The following ENTREP2 variants were observed in gnomAD, a reference collection of about 807,000 sequenced individuals.
ENTREP2 encodes endosomal transmembrane epsin interactor 2, also known as protein ENTREP2.
chr15:29,399,687 G>A, the ENTREP2 span, among the ~76,000 whole-genome samples: 2 of 152,206 alleles, frequency 1.3e-5, no homozygotes, highest in African/African-American at 4.8e-5. Flanking sequence ...ACTGGTAATA[G>A]TCTGCTGTTG....
the ENTREP2 span, among the ~76,000 whole-genome samples, chr15:29,244,032 G>C: frequency 6.6e-6 from 1 of 152,214 alleles, no homozygotes; most frequent in African/African-American, 2.4e-5. Flanking sequence ...GAATGTTGAT[G>C]CAAAACTCTT....
At chr15:29,265,169 C>T in the ENTREP2 span, 1 of 152,088 alleles carries the variant, frequency 6.6e-6, no homozygotes, top group Non-Finnish European at 1.5e-5. Context: ...GCAAACATCA[C>T]ACTCTATGGC....
chr15:29,672,312 G>A, the ENTREP2 span, among the ~76,000 whole-genome samples: 1 of 152,120 alleles, frequency 6.6e-6, no homozygotes, highest in Non-Finnish European at 1.5e-5. Flanking sequence ...TTATCCAAGG[G>A]CCTATGGATC....
chr15:29,594,153 G>A, the ENTREP2 span, among the ~76,000 whole-genome samples: 1 of 152,114 alleles, frequency 6.6e-6, no homozygotes, highest in Non-Finnish European at 1.5e-5. Flanking sequence ...TAGGTGGTGA[G>A]GATGCAGCTA....
chr15:29,530,648 G>A, the ENTREP2 span, among the ~76,000 whole-genome samples: 1 of 152,196 alleles, frequency 6.6e-6, no homozygotes, highest in Non-Finnish European at 1.5e-5. Context: ...CTGTGGTGAT[G>A]GGTGGAGGTG....
At chr15:29,458,497 C>A in the ENTREP2 span, among the ~76,000 whole-genome samples, 1 of 152,102 alleles carries the variant, frequency 6.6e-6, no homozygotes, top group South Asian at 2.1e-4. Flanking sequence ...CCCACCAAGC[C>A]CCCTACCCAA....
chr15:29,418,012 T>C, the ENTREP2 span, among the ~76,000 whole-genome samples: 1 of 152,212 alleles, frequency 6.6e-6, no homozygotes, highest in African/African-American at 2.4e-5. Context: ...AGAAGCCATT[T>C]AGAACATTTT....
At chr15:29,523,561 ATTT>A in the ENTREP2 span, among the ~76,000 whole-genome samples, 667 of 78,396 alleles carry the variant, frequency 8.5e-3, no homozygotes, top group African/African-American at 0.033. Context: ...TCCCAGCTAG[ATTT>A]TTTTTTTTTT....
the ENTREP2 span, among the ~76,000 whole-genome samples, chr15:29,512,854 G>A: frequency 6.6e-6 from 1 of 152,182 alleles, no homozygotes; most frequent in Non-Finnish European, 1.5e-5. Flanking sequence ...AACTGGTGAT[G>A]CACAAATCCA....
the ENTREP2 span, among the ~76,000 whole-genome samples, chr15:29,565,758 T>C: frequency 3.9e-5 from 6 of 152,100 alleles, no homozygotes; most frequent in South Asian, 2.1e-4. Context: ...GGTCAGGAGA[T>C]AGAGACCATC....
the ENTREP2 span, among the ~76,000 whole-genome samples, chr15:29,469,061 C>A: frequency 6.6e-6 from 1 of 152,156 alleles, no homozygotes. Context: ...GGTTCCACCC[C>A]ATCCCGATAG....
chr15:29,426,591 T>C, the ENTREP2 span, among the ~76,000 whole-genome samples: 2 of 152,180 alleles, frequency 1.3e-5, no homozygotes, highest in Non-Finnish European at 2.9e-5. Context: ...CCAGGTGATA[T>C]CCTAATTCAC....
the ENTREP2 span, among the ~76,000 whole-genome samples, chr15:29,429,739 G>A: frequency 5.3e-5 from 8 of 152,308 alleles, no homozygotes; most frequent in South Asian, 1.5e-3. Flanking sequence ...TACGGACCCC[G>A]TAGTTCTCAA....
At chr15:29,563,758 AC>A in the ENTREP2 span, among the ~76,000 whole-genome samples, 1 of 151,736 alleles carries the variant, frequency 6.6e-6, no homozygotes, top group Non-Finnish European at 1.5e-5. Context: ...AATCGCTTGA[AC>A]CCGGGAGGCT....
the ENTREP2 span, among the ~76,000 whole-genome samples, chr15:29,365,738 A>G: frequency 3.4e-5 from 5 of 145,202 alleles, no homozygotes; most frequent in African/African-American, 1.3e-4. Flanking sequence ...AAGTCTGCAG[A>G]AAAAAAAAAC....
At chr15:29,499,386 CTTGT>C in the ENTREP2 span, among the ~76,000 whole-genome samples, 6 of 152,046 alleles carry the variant, frequency 3.9e-5, no homozygotes, top group African/African-American at 7.2e-5. Flanking sequence ...CTGATAAAAA[CTTGT>C]TTGTTTGTTT....
the ENTREP2 span, among the ~76,000 whole-genome samples, chr15:29,429,337 T>C: frequency 6.6e-6 from 1 of 152,194 alleles, no homozygotes; most frequent in Non-Finnish European, 1.5e-5. Context: ...TCCTCCTGCC[T>C]TAGCCCCACA....
chr15:29,474,893 C>G, the ENTREP2 span, among the ~76,000 whole-genome samples: 1 of 152,024 alleles, frequency 6.6e-6, no homozygotes, highest in African/African-American at 2.4e-5. Context: ...GTGTAGATGT[C>G]GTATCTTGCT....
the ENTREP2 span, among the ~76,000 whole-genome samples, chr15:29,634,055 C>A: frequency 6.6e-6 from 1 of 152,126 alleles, no homozygotes; most frequent in Non-Finnish European, 1.5e-5. Context: ...TTTCCACTGG[C>A]AGCCACACCA....
Sources: gnomAD v4.1 joint callset for allele counts (sites outside exome capture counted in the v4.1 genomes callset) on GRCh38, gnomAD v4.1.1 for gene constraint, MANE v1.5 for transcripts, NCBI Gene and HGNC (gene_info 2026-07-23, HGNC 2026-07-21) for gene names.